TRPC6: variants seen among roughly 807,000 people sequenced by gnomAD.
TRPC6 encodes short transient receptor potential channel 6.
TRPC6 carries 55 observed loss-of-function variants against 90.7 expected under a neutral mutation model. The ratio of observed to expected loss-of-function variants is 0.61; its 90% CI spans 0.49 to 0.76. The LOEUF (loss-of-function observed/expected upper bound fraction) is 0.76. Among genes scored for constraint, TRPC6 ranks in the 30% least tolerant of loss-of-function variants. The pLI is 0.00. For synonymous variants in TRPC6, 393 were observed against 393.0 expected, an observed-to-expected ratio of 1.00 and a Z score of 0.00; for missense variants, 989 against 1,122.7, an observed-to-expected ratio of 0.88 and a Z score of 1.70.
chr11:101,520,988 G>A (rs890159465), intron 1 of TRPC6, among the ~76,000 whole-genome samples: 2 of 152,192 alleles, frequency 1.3e-5, no homozygotes, highest in East Asian at 3.9e-4. Flanking sequence ...GGGAGGCAGA[G>A]CATAAAACTT....
rs375701506 is a variant in TRPC6 at position 101,451,569 on chromosome 11, G to C, written c.*1386C>G. On this transcript the variant is annotated 3_prime_UTR_variant, in exon 13 of 13. Coordinates refer to ENST00000344327, the MANE Select transcript of TRPC6 (RefSeq NM_004621.6). ...ATTCAAATACTGTCACAAAATATTT[G>C]AAAATCGATCTTTATGTATCACCAA... 12 of 152,276 alleles carry C rather than the reference G, an allele frequency of 7.9e-5. No homozygotes were observed. In the South Asian group the frequency reaches 1.4e-3, roughly 18 times the overall value. The allele number at this position is 152,276 out of a possible 1,614,324, so 9.4% of individuals were successfully genotyped here.
At chr11:101,501,899 A>T (rs1770951571) in intron 2 of TRPC6, among the ~76,000 whole-genome samples, 1 of 152,160 alleles carries the variant, frequency 6.6e-6, no homozygotes, top group Non-Finnish European at 1.5e-5. Flanking sequence ...TTTGAAAGTG[A>T]TTTTTAAAAG....
chr11:101,530,214 C>T (rs867103742), intron 1 of TRPC6, among the ~76,000 whole-genome samples: 18 of 152,100 alleles, frequency 1.2e-4, no homozygotes, highest in African/African-American at 4.1e-4. Flanking sequence ...AAAGCTCTAA[C>T]TTGGCTCTAG....
intron 3 of TRPC6, among the ~76,000 whole-genome samples, chr11:101,489,419 G>T (rs966691291): frequency 7.2e-5 from 11 of 151,996 alleles, no homozygotes; most frequent in Non-Finnish European, 1.5e-4. Flanking sequence ...TGATTATATA[G>T]TTTTTTCATC....
At chr11:101,483,867 G>C (rs185016228) in intron 4 of TRPC6, among the ~76,000 whole-genome samples, 98 of 152,164 alleles carry the variant, frequency 6.4e-4, no homozygotes, top group South Asian at 1.0e-3. Flanking sequence ...TATGAAATAC[G>C]GGGGACAAAA....
intron 7 of TRPC6, 101 bp from the exon 8 acceptor site, chr11:101,472,433 G>T (rs961929569): frequency 8.6e-7 from 1 of 1,165,200 alleles, no homozygotes; most frequent in Non-Finnish European, 1.2e-6. Context: ...GCAAATTAGT[G>T]AGTATAAAAA....
intron 8 of TRPC6, 113 bp downstream of exon 8, chr11:101,472,024 G>A (rs945932189): frequency 1.8e-6 from 2 of 1,098,326 alleles, no homozygotes; most frequent in East Asian, 2.4e-5. Context: ...GTATAAAACA[G>A]GGAATGAACA....
intron 11 of TRPC6, among the ~76,000 whole-genome samples, chr11:101,454,268 TAGTG>T (rs986829827): frequency 2.6e-4 from 40 of 152,138 alleles, no homozygotes; most frequent in African/African-American, 9.2e-4. Flanking sequence ...GAAGGAGTCT[TAGTG>T]GGTGCTCAGA....
intron 1 of TRPC6, among the ~76,000 whole-genome samples, chr11:101,553,442 T>C (rs1471825682): frequency 2.0e-5 from 3 of 152,090 alleles, no homozygotes; most frequent in Admixed American, 6.6e-5. Flanking sequence ...GATGAAACCA[T>C]AGGCTAAATG....
At chr11:101,501,742 G>A (rs1396423473) in intron 2 of TRPC6, among the ~76,000 whole-genome samples, 3 of 152,080 alleles carry the variant, frequency 2.0e-5, no homozygotes. Flanking sequence ...TTTGTAAAAA[G>A]GCCTTAAAAA....
At chr11:101,537,331 T>C (rs1018042811) in intron 1 of TRPC6, among the ~76,000 whole-genome samples, 3 of 152,138 alleles carry the variant, frequency 2.0e-5, no homozygotes, top group Non-Finnish European at 2.9e-5. Flanking sequence ...TCATTAACAG[T>C]CTCACTGTTA....
At chr11:101,505,053 CTG>C (rs1393351234) in intron 1 of TRPC6, among the ~76,000 whole-genome samples, 1 of 152,182 alleles carries the variant, frequency 6.6e-6, no homozygotes, top group Non-Finnish European at 1.5e-5. Context: ...CATAATTACT[CTG>C]TGCCATTCAG....
At chr11:101,574,247 T>C (rs11224875) in intron 1 of TRPC6, among the ~76,000 whole-genome samples, 34,733 of 150,574 alleles carry the variant, frequency 0.23, 4,935 homozygotes, top group Middle Eastern at 0.34. Context: ...CATCCCCAAA[T>C]GTGAAGGAAC....
intron 5 of TRPC6, among the ~76,000 whole-genome samples, chr11:101,479,689 C>T (rs7114045): frequency 0.011 from 1,676 of 152,154 alleles, 21 homozygotes; most frequent in African/African-American, 0.038. Flanking sequence ...ACATAGGCTA[C>T]AAAAGCATCA....
chr11:101,497,687 G>T (rs1289197905), intron 2 of TRPC6, among the ~76,000 whole-genome samples: 1 of 152,052 alleles, frequency 6.6e-6, no homozygotes, highest in Admixed American at 6.6e-5. Context: ...TAAAAGAGGG[G>T]ATTTTTTTTC....
At chr11:101,528,854 A>G (rs112493994) in intron 1 of TRPC6, among the ~76,000 whole-genome samples, 2,266 of 152,254 alleles carry the variant, frequency 0.015, 50 homozygotes, top group African/African-American at 0.05. Flanking sequence ...GTATGAAGAA[A>G]TAATCTGTAA....
At chr11:101,557,820 G>C (rs962490053) in intron 1 of TRPC6, among the ~76,000 whole-genome samples, 1 of 152,090 alleles carries the variant, frequency 6.6e-6, no homozygotes, top group Non-Finnish European at 1.5e-5. Context: ...GGAGGTGACT[G>C]TCTTCTACAA....
intron 4 of TRPC6, among the ~76,000 whole-genome samples, chr11:101,487,713 G>A (rs1859709221): frequency 6.6e-6 from 1 of 152,000 alleles, no homozygotes; most frequent in Non-Finnish European, 1.5e-5. Context: ...TTCATTTTAT[G>A]TTCCTCATTT....
intron 10 of TRPC6, among the ~76,000 whole-genome samples, chr11:101,459,323 T>C (rs531966511): frequency 2.6e-5 from 4 of 152,238 alleles, no homozygotes; most frequent in African/African-American, 4.8e-5. Context: ...GGTAAGACGA[T>C]TGTCTGGGAA....
Sources: allele counts gnomAD v4.1 joint callset (sites outside exome capture counted in the v4.1 genomes callset), GRCh38; gene constraint gnomAD v4.1.1; transcripts MANE v1.5; gene names NCBI Gene and HGNC (gene_info 2026-07-23, HGNC 2026-07-21).